The following PDE4B variants were observed in gnomAD, a reference collection of about 807,000 sequenced individuals.
PDE4B encodes phosphodiesterase 4B, also known as 3',5'-cyclic-AMP phosphodiesterase 4B.
PDE4B carries 20 observed loss-of-function variants against 82.2 expected under a neutral mutation model. The ratio of observed to expected loss-of-function variants is 0.24; its 90% CI spans 0.17 to 0.35. PDE4B has a LOEUF of 0.35. Among genes scored for constraint, PDE4B ranks in the 10% least tolerant of loss-of-function variants. PDE4B has a pLI of 1.00. For missense variants in PDE4B, 655 were observed against 907.2 expected, an observed-to-expected ratio of 0.72 and a Z score of 3.57; for synonymous variants, 320 against 318.9, an observed-to-expected ratio of 1.00 and a Z score of -0.04.
At chr1:65,986,929 G>A (rs1650985330) in intron 3 of PDE4B, among the ~76,000 whole-genome samples, 1 of 152,190 alleles carries the variant, frequency 6.6e-6, no homozygotes, top group Non-Finnish European at 1.5e-5. Flanking sequence ...TGAAGGAGAT[G>A]AGGGAACAAA....
intron 3 of PDE4B, among the ~76,000 whole-genome samples, chr1:66,098,797 A>G (rs1309364558): frequency 6.6e-6 from 1 of 151,912 alleles, no homozygotes; most frequent in African/African-American, 2.4e-5. Flanking sequence ...CTTTTCTTTA[A>G]CTCTCCCACA....
Position 66,277,689 on chromosome 1 carries a change from C to T in PDE4B, c.634+11602C>T, listed in dbSNP as rs538643320. Among the ~76,000 whole-genome samples the T allele has an allele frequency of 5.3e-5, 8 of 152,306 alleles. No homozygotes were observed. In the South Asian group the frequency reaches 1.2e-3, roughly 24 times the overall value. ...GATTACAGGCATGAGCCACCACGCC[C>T]GGCCTTATATGCATTTTAAATACAC... On this transcript the variant is annotated intron_variant, in intron 7 of 16. Transcript: ENST00000341517.
intron 3 of PDE4B, among the ~76,000 whole-genome samples, chr1:66,235,594 A>C (rs1652344952): frequency 6.6e-6 from 1 of 152,132 alleles, no homozygotes; most frequent in Non-Finnish European, 1.5e-5. Flanking sequence ...CTTTATATTT[A>C]AAGTGATCTA....
intron 3 of PDE4B, among the ~76,000 whole-genome samples, chr1:65,946,473 T>C (rs11208778): frequency 0.11 from 16,799 of 152,028 alleles, 1,087 homozygotes; most frequent in Middle Eastern, 0.2. Context: ...AGAGATGTGA[T>C]GGTATGAACT....
intron 7 of PDE4B, among the ~76,000 whole-genome samples, chr1:66,285,134 GC>G (rs1656578822): frequency 1.3e-5 from 2 of 152,226 alleles, no homozygotes; most frequent in African/African-American, 4.8e-5. Context: ...TCTCTGAATA[GC>G]ATGGTGGTAG....
At chr1:66,041,580 C>T (rs556039989) in intron 3 of PDE4B, among the ~76,000 whole-genome samples, 1 of 152,026 alleles carries the variant, frequency 6.6e-6, no homozygotes, top group East Asian at 1.9e-4. Flanking sequence ...ACTTGCCTCA[C>T]TCTACTGAAT....
At chr1:66,117,142 T>G (rs933530880) in intron 3 of PDE4B, among the ~76,000 whole-genome samples, 14 of 152,062 alleles carry the variant, frequency 9.2e-5, no homozygotes, top group African/African-American at 3.1e-4. Flanking sequence ...TTCAGGAAAA[T>G]TATTGAATGT....
At chr1:66,353,743 G>T in intron 8 of PDE4B, among the ~76,000 whole-genome samples, 1 of 152,078 alleles carries the variant, frequency 6.6e-6, no homozygotes, top group South Asian at 2.1e-4. Flanking sequence ...TGCAGGGAAG[G>T]AATGACTTTC....
Position 65,945,549 on chromosome 1 carries a change from C to T in PDE4B, c.281+26714C>T, listed in dbSNP as rs554169005. 3.9e-5 allele frequency among the ~76,000 whole-genome samples: 6 copies of T among 152,052 alleles called. No homozygotes were observed. The South Asian group carries it at 1.2e-3, about 32-fold the overall frequency. On this transcript the variant is annotated intron_variant, in intron 3 of 16. Transcript: ENST00000341517. ...TGCCACCGAATGGCAGGTTGGTCTC[C>T]TTGAGAGATGGTCTCAACTTTGCTT...
intron 3 of PDE4B, among the ~76,000 whole-genome samples, chr1:66,081,123 C>T (rs1371635851): frequency 6.6e-6 from 1 of 152,116 alleles, no homozygotes; most frequent in Non-Finnish European, 1.5e-5. Flanking sequence ...AAAGCTTTCT[C>T]CATGGTCTTT....
intron 1 of PDE4B, among the ~76,000 whole-genome samples, chr1:65,799,217 T>C (rs1645667692): frequency 6.6e-6 from 1 of 152,202 alleles, no homozygotes; most frequent in South Asian, 2.1e-4. Context: ...AAAACTGACA[T>C]GTTAAAAAGC....
chr1:66,337,448 G>A (rs1374643793), intron 8 of PDE4B, among the ~76,000 whole-genome samples: 12 of 152,200 alleles, frequency 7.9e-5, no homozygotes, highest in African/African-American at 2.9e-4. Flanking sequence ...ACACCCTTAG[G>A]CCTAAGGAGT....
chr1:65,903,122 T>C (rs1298648437), intron 1 of PDE4B, among the ~76,000 whole-genome samples: 1 of 152,172 alleles, frequency 6.6e-6, no homozygotes, highest in Non-Finnish European at 1.5e-5. Context: ...AGCACTACTG[T>C]AGTGGTTTTC....
intron 3 of PDE4B, among the ~76,000 whole-genome samples, chr1:66,037,277 T>C (rs1010631866): frequency 6.6e-6 from 1 of 152,186 alleles, no homozygotes; most frequent in African/African-American, 2.4e-5. Context: ...AAACATGGGA[T>C]ATCTTTTCAT....
chr1:65,980,175 G>T (rs6684069), intron 3 of PDE4B, among the ~76,000 whole-genome samples: 1 of 151,988 alleles, frequency 6.6e-6, no homozygotes, highest in Non-Finnish European at 1.5e-5. Flanking sequence ...AAATACATTT[G>T]AAAACACGAC....
Position 66,363,470 on chromosome 1 carries a change from T to A in PDE4B, c.1183T>A (p.Leu395Ile). The stretch of plus-strand genomic sequence containing the variant: ...CACATTTATAACCTACATGATGACT[T>A]TAGAAGACCATTACCATTCTGACGT... The part of the protein sequence containing the change: ...SDTFITYMMT[L>I]EDHYHSDVAY... Residue 395 changes from leucine (L) to isoleucine (I), a missense_variant, in exon 12 of 17, where the codon TTA becomes ATA. Physicochemically the swap from Leu to Ile is conservative, Grantham distance 5. Coordinates refer to ENST00000341517, the MANE Select transcript of PDE4B (RefSeq NM_002600.4). 1 of 1,613,698 alleles carries A rather than the reference T, an allele frequency of 6.2e-7. No individual in the cohort carries two copies. Among genetic ancestry groups the A allele is most frequent in the Non-Finnish European group, 8.5e-7 (1 of 1,179,700 alleles).
intron 7 of PDE4B, among the ~76,000 whole-genome samples, chr1:66,297,499 A>G (rs919910678): frequency 1.3e-5 from 2 of 152,194 alleles, no homozygotes; most frequent in African/African-American, 2.4e-5. Flanking sequence ...AAAGGATGGC[A>G]TTGCTTTATT....
chr1:66,020,650 C>CT (rs1328128291), intron 3 of PDE4B, among the ~76,000 whole-genome samples: 1 of 152,204 alleles, frequency 6.6e-6, no homozygotes, highest in South Asian at 2.1e-4. Context: ...TGAACTCATC[C>CT]TTTTTTATGG....
intron 3 of PDE4B, among the ~76,000 whole-genome samples, chr1:65,948,431 C>T (rs1323736994): frequency 3.9e-5 from 6 of 151,936 alleles, no homozygotes; most frequent in Non-Finnish European, 8.8e-5. Context: ...AACTGAAGAA[C>T]TTGGAGTCTG....
Sources: allele counts gnomAD v4.1 joint callset (sites outside exome capture counted in the v4.1 genomes callset), GRCh38; gene constraint gnomAD v4.1.1; transcripts MANE v1.5; gene names NCBI Gene and HGNC (gene_info 2026-07-23, HGNC 2026-07-21).